The following USP31 variants were observed in gnomAD, a reference collection of about 807,000 sequenced individuals.
The protein encoded by USP31 is ubiquitin carboxyl-terminal hydrolase 31.
Under a neutral mutation model 119.4 loss-of-function variants are expected in USP31, and 44 were observed. The observed-to-expected ratio is 0.37, with a 90% CI of 0.29 to 0.47. The LOEUF (loss-of-function observed/expected upper bound fraction) is 0.47. Among genes scored for constraint, USP31 ranks in the 20% least tolerant of loss-of-function variants. The pLI, the probability that USP31 is intolerant of heterozygous loss-of-function variation, is 0.99. For synonymous variants in USP31, 749 were observed against 705.6 expected (o/e 1.06, Z -0.97); for missense variants, 1,643 against 1,730.2 (o/e 0.95, Z 0.89).
At position 23,148,957 on chromosome 16, in the gene USP31, GGCGGCGTGGGC is replaced by G; in HGVS notation, c.303_313del (p.Pro102AlafsTer66). The G allele has an allele frequency of 9.9e-7, 1 of 1,014,262 alleles. No homozygotes were observed. The highest frequency in any genetic ancestry group is 4.5e-5 in the South Asian group (1 of 22,316). 62.8% of individuals were successfully genotyped at this position (1,014,262 alleles called of 1,614,324 possible). ...AGAGGCGGGCGGCGGCGGGCACGGC[GGCGGCGTGGGC>G]GCGGCGGCCGGCCCGGGCGGGAAGC... On this transcript the variant is annotated frameshift_variant, in exon 1 of 16. Transcript: ENST00000219689. LOFTEE classifies it high-confidence loss of function.
intron 4 of USP31, 121 bp downstream of exon 4, chr16:23,106,092 T>C: frequency 1.8e-6 from 2 of 1,114,252 alleles, no homozygotes; most frequent in Non-Finnish European, 2.6e-6. Flanking sequence ...AATGACTGTA[T>C]TCAATCCCAT....
intron 1 of USP31, among the ~76,000 whole-genome samples, chr16:23,137,034 A>T (rs1190550190): frequency 6.6e-6 from 1 of 152,174 alleles, no homozygotes; most frequent in African/African-American, 2.4e-5. Flanking sequence ...GCAACAAGGT[A>T]AAACCCCATC....
Position 23,069,247 on chromosome 16 carries a change from G to A in USP31, c.2858C>T (p.Ser953Leu), listed in dbSNP as rs774725413. ...ACTGGAGTTCAATCTGCGGGTGTCC[G>A]ATTCGTCTTTGAACACGCCTTCCAT... The part of the protein sequence containing the change: ...AVMEGVFKDE[S>L]DTRRLNSSVV... The change falls in exon 16 of 16, where the codon TCG becomes TTG. Residue 953 changes from serine (S) to leucine (L), a missense_variant. Physicochemically the swap from Ser to Leu is moderately radical, Grantham distance 145. This residue lies in a region of USP31 where 699 missense variants were observed against 650.9 expected (regional missense o/e 1.07). Transcript: ENST00000219689. 1.2e-5 allele frequency: 20 copies of A among 1,614,054 alleles called. No homozygotes were observed. Among genetic ancestry groups the A allele is most frequent in the South Asian group, 7.7e-5 (7 of 91,040 alleles).
At chr16:23,098,669 A>C (rs568339461) in intron 6 of USP31, among the ~76,000 whole-genome samples, 1 of 152,318 alleles carries the variant, frequency 6.6e-6, no homozygotes, top group East Asian at 1.9e-4. Context: ...GTAACACCAC[A>C]CATCTACAAC....
Position 23,148,819 on chromosome 16 carries a change from A to G in USP31, c.452T>C (p.Leu151Pro), listed in dbSNP as rs773466551. Residue 151 changes from leucine (L) to proline (P), a missense_variant, in exon 1 of 16, where the codon CTC (leucine) becomes CCC (proline). Leu to Pro is a moderately conservative substitution (Grantham distance 98, BLOSUM62 -3). Transcript: ENST00000219689. Reference sequence around the variant, plus strand: ...GCCCAGCGCCAGGTACTCGGCGAAGAGCTCGGTGTTGCTGAGGCACTGCAG... The same window carrying G: ...GCCCAGCGCCAGGTACTCGGCGAAGGGCTCGGTGTTGCTGAGGCACTGCAG... ...ATLQCLSNTE[L>P]FAEYLALGQY... is the part of the protein sequence containing the mutation. 4 of 1,538,242 alleles carry G rather than the reference A, an allele frequency of 2.6e-6. No individual in the cohort carries two copies. Among genetic ancestry groups the G allele is most frequent in the Non-Finnish European group, 3.5e-6 (4 of 1,146,304 alleles).
intron 1 of USP31, among the ~76,000 whole-genome samples, chr16:23,126,716 T>C (rs1034020851): frequency 6.6e-6 from 1 of 151,958 alleles, no homozygotes; most frequent in Non-Finnish European, 1.5e-5. Flanking sequence ...ACAGAAATTG[T>C]AACACATGCA....
rs754967399 is a variant in USP31 at position 23,069,507 on chromosome 16, T to C, written c.2598A>G (p.Ser866=). ...TCTGCAGCTTAGCAGACAGGGACCA[T>C]GAAGGTCTCATGCAATTTTCATTGA... is the stretch of plus-strand genomic sequence containing the variant. ...LAVNENCMRP[S]WSLSAKLQMR... is the part of the protein sequence containing the mutation. Residue 866 remains serine, a synonymous_variant, in exon 16 of 16, where the codon TCA becomes TCG. Coordinates refer to ENST00000219689, the MANE Select transcript of USP31 (RefSeq NM_020718.4). The C allele has an allele frequency of 5.6e-6, 9 of 1,614,094 alleles. No individual in the cohort carries two copies. Among genetic ancestry groups the C allele is most frequent in the African/African-American group, 1.3e-5 (1 of 74,938 alleles).
At position 23,129,586 on chromosome 16, in the gene USP31, T is replaced by C. The variant is rs2369432; in HGVS notation, c.633+19052A>G. 5.7e-3 allele frequency among the ~76,000 whole-genome samples: 873 copies of C among 152,314 alleles called. 43 individuals are homozygous for C. The highest frequency in any genetic ancestry group is 0.049 in the Admixed American group (748 of 15,294). ...AATAAGATTGTCCACAAATTGGTAG[T>C]TGTTGAAGCTGGGTGACAGGGAAAT... is the stretch of plus-strand genomic sequence containing the variant. On this transcript the variant is annotated intron_variant, in intron 1 of 15. Transcript: ENST00000219689.
At chr16:23,117,761 TTG>T (rs1902541176) in intron 1 of USP31, among the ~76,000 whole-genome samples, 1 of 92,244 alleles carries the variant, frequency 1.1e-5, no homozygotes, top group Non-Finnish European at 2.9e-5. Flanking sequence ...CTTTTTTTTT[TTG>T]TTGTTGTTGT....
chr16:23,128,057 A>T (rs1048967215), intron 1 of USP31, among the ~76,000 whole-genome samples: 3 of 152,206 alleles, frequency 2.0e-5, no homozygotes, highest in African/African-American at 7.2e-5. Flanking sequence ...GGGAGGAACA[A>T]GCCACAGATA....
intron 2 of USP31, among the ~76,000 whole-genome samples, 175 bp downstream of exon 2, chr16:23,107,871 C>T (rs575198225): frequency 1.8e-4 from 28 of 152,336 alleles, no homozygotes; most frequent in African/African-American, 6.7e-4. Flanking sequence ...TTGTATCTTA[C>T]ACTGCCAGCA....
chr16:23,101,062 G>T (rs147050209), intron 6 of USP31, among the ~76,000 whole-genome samples: 77 of 152,286 alleles, frequency 5.1e-4, no homozygotes, highest in African/African-American at 1.4e-3. Flanking sequence ...TCTTAGAAAA[G>T]GGGAACCACT....
intron 1 of USP31, among the ~76,000 whole-genome samples, chr16:23,120,549 G>C (rs990483591): frequency 3.3e-5 from 5 of 152,216 alleles, no homozygotes; most frequent in Non-Finnish European, 2.9e-5. Flanking sequence ...AAATTAGAGA[G>C]AGAAAAAGAA....
At chr16:23,146,042 C>T (rs1242856060) in intron 1 of USP31, among the ~76,000 whole-genome samples, 1 of 152,116 alleles carries the variant, frequency 6.6e-6, no homozygotes, top group Non-Finnish European at 1.5e-5. Flanking sequence ...CTGTTCACAG[C>T]TTAATGGATA....
intron 1 of USP31, among the ~76,000 whole-genome samples, chr16:23,119,650 T>C (rs938473801): frequency 6.6e-6 from 1 of 152,218 alleles, no homozygotes; most frequent in Admixed American, 6.5e-5. Context: ...GCAGTTTTTG[T>C]TTTGTTGCAA....
intron 1 of USP31, among the ~76,000 whole-genome samples, chr16:23,141,462 T>C (rs796663860): frequency 2.0e-5 from 3 of 151,834 alleles, no homozygotes; most frequent in African/African-American, 7.2e-5. Flanking sequence ...TCACCACACC[T>C]TGACCTCTTG....
In USP31 at chr16:23,067,970, G is replaced by A; in HGVS notation, c.*76C>T. 6.6e-7 allele frequency: 1 copy of A among 1,514,820 alleles called. No homozygotes were observed. Among genetic ancestry groups the A allele is most frequent in the South Asian group, 1.3e-5 (1 of 74,736 alleles). 93.8% of individuals were successfully genotyped at this position (1,514,820 alleles called of 1,614,324 possible). A position where few individuals can be genotyped will look rare whatever the true frequency, so the allele number is the denominator to read the frequency against. ...CAAAAAAGTACAAAACAAAAGCACA[G>A]GAGGCTTTGGTGGGAGGGCAGGGGT... On this transcript the variant is annotated 3_prime_UTR_variant, in exon 16 of 16. Transcript: ENST00000219689.
At position 23,090,890 on chromosome 16, in the gene USP31, A is replaced by T. The variant is rs568284561; in HGVS notation, c.1235-86T>A. On this transcript the variant is annotated intron_variant, in intron 6 of 15. Transcript: ENST00000219689. ...TGAAGAAATTTACCCAACAGAGAAA[A>T]TTTTTTTTAAAAATGTCATTATGTA... is the stretch of plus-strand genomic sequence containing the variant. The T allele has an allele frequency of 2.5e-5, 32 of 1,285,980 alleles. No homozygotes were observed. In the East Asian group the frequency reaches 3.4e-4, roughly 14 times the overall value. The allele number at this position is 1,285,980 out of a possible 1,614,324, so 79.7% of individuals were successfully genotyped here.
chr16:23,103,731 A>G (rs975532551), intron 5 of USP31, among the ~76,000 whole-genome samples: 2 of 152,198 alleles, frequency 1.3e-5, no homozygotes, highest in Non-Finnish European at 2.9e-5. Flanking sequence ...CCTGGGCAAC[A>G]TGCCAAAACC....
Sources: gnomAD v4.1 joint callset for allele counts (sites outside exome capture counted in the v4.1 genomes callset) on GRCh38, gnomAD v4.1.1 for gene constraint, gnomAD v4.1.1 regional missense constraint, MANE v1.5 for transcripts, NCBI Gene and HGNC (gene_info 2026-07-23, HGNC 2026-07-21) for gene names.